WWOX: variants seen among roughly 807,000 people sequenced by gnomAD.
The protein encoded by WWOX is WW domain-containing oxidoreductase.
Under a neutral mutation model 46.2 loss-of-function variants are expected in WWOX, and 69 were observed. The observed-to-expected ratio is 1.49, with a 90% CI of 1.23 to 1.82. The LOEUF is 1.82. Among genes scored for constraint, WWOX ranks in the 40% most tolerant of loss-of-function variants. The pLI is 0.00. For missense variants in WWOX, 919 were observed against 542.6 expected (o/e 1.69, Z -6.89); for synonymous variants, 359 against 202.6 (o/e 1.77, Z -6.56).
At chr16:78,847,304 C>T (rs921783733) in intron 8 of WWOX, among the ~76,000 whole-genome samples, 3 of 152,082 alleles carry the variant, frequency 2.0e-5, no homozygotes, top group Non-Finnish European at 4.4e-5. Flanking sequence ...ACACCTATCT[C>T]CATTTATTCC....
intron 8 of WWOX, among the ~76,000 whole-genome samples, chr16:78,824,213 GT>G (rs1377919220): frequency 2.0e-5 from 3 of 152,094 alleles, no homozygotes; most frequent in Admixed American, 2.0e-4. Flanking sequence ...TTTATAAACA[GT>G]CCACTCCTAC....
intron 8 of WWOX, among the ~76,000 whole-genome samples, chr16:79,006,744 G>A (rs985664112): frequency 5.3e-5 from 8 of 152,046 alleles, no homozygotes; most frequent in South Asian, 2.1e-4. Flanking sequence ...TGCGTCTTCC[G>A]TTTCTTAGAG....
intron 8 of WWOX, among the ~76,000 whole-genome samples, chr16:78,679,298 C>T (rs2047674494): frequency 6.6e-6 from 1 of 152,174 alleles, no homozygotes; most frequent in South Asian, 2.1e-4. Flanking sequence ...CGCCTGTAAT[C>T]CCAGCACTTT....
intron 8 of WWOX, among the ~76,000 whole-genome samples, chr16:79,150,908 C>T (rs1469949782): frequency 6.6e-6 from 1 of 152,186 alleles, no homozygotes; most frequent in Non-Finnish European, 1.5e-5. Flanking sequence ...ACCTGCAGGC[C>T]ATCATTCTGC....
chr16:78,309,644 C>A (rs944331969), intron 5 of WWOX, among the ~76,000 whole-genome samples: 1 of 152,188 alleles, frequency 6.6e-6, no homozygotes, highest in African/African-American at 2.4e-5. Context: ...CTGTCTTAGG[C>A]TTTGTTCACT....
intron 8 of WWOX, among the ~76,000 whole-genome samples, chr16:78,957,462 C>T (rs1051831294): frequency 1.3e-5 from 2 of 152,292 alleles, no homozygotes; most frequent in East Asian, 1.9e-4. Flanking sequence ...TCATTGTAGA[C>T]ATAGGGATGT....
intron 8 of WWOX, among the ~76,000 whole-genome samples, chr16:78,838,349 T>C (rs1406825250): frequency 6.6e-6 from 1 of 152,204 alleles, no homozygotes; most frequent in East Asian, 1.9e-4. Flanking sequence ...GAGGAGGCTT[T>C]AGGCGCTCCT....
chr16:78,713,542 C>T (rs2048492908), intron 8 of WWOX, among the ~76,000 whole-genome samples: 1 of 152,022 alleles, frequency 6.6e-6, no homozygotes, highest in Admixed American at 6.6e-5. Flanking sequence ...AATGAGGTTG[C>T]TTGGATGGTC....
intron 8 of WWOX, among the ~76,000 whole-genome samples, chr16:78,629,024 C>T (rs2046370640): frequency 6.6e-6 from 1 of 152,308 alleles, no homozygotes; most frequent in Non-Finnish European, 1.5e-5. Context: ...GTTCCAAAAA[C>T]TGGATTTTTA....
intron 8 of WWOX, chr16:79,106,696 GC>G (rs1251495630): frequency 6.8e-6 from 1 of 146,010 alleles, no homozygotes; most frequent in Non-Finnish European, 1.5e-5. Flanking sequence ...AAACTCTTGG[GC>G]TCAAGCAACT....
intron 8 of WWOX, chr16:78,826,021 C>A (rs1014406295): frequency 1.9e-6 from 1 of 525,916 alleles, no homozygotes; most frequent in Non-Finnish European, 3.4e-6. Flanking sequence ...CTGTCCTTGG[C>A]AGTTGTATTC....
chr16:78,915,001 A>G (rs1193025005), intron 8 of WWOX, among the ~76,000 whole-genome samples: 1 of 152,064 alleles, frequency 6.6e-6, no homozygotes, highest in Non-Finnish European at 1.5e-5. Context: ...GTGGTAAGAT[A>G]GTGGTTCACA....
intron 6 of WWOX, among the ~76,000 whole-genome samples, chr16:78,398,303 C>G (rs2082334838): frequency 6.6e-6 from 1 of 152,176 alleles, no homozygotes; most frequent in African/African-American, 2.4e-5. Context: ...CTTCCCCAAC[C>G]CAGGCTTCTC....
intron 8 of WWOX, among the ~76,000 whole-genome samples, chr16:79,071,382 G>T (rs563686282): frequency 6.6e-6 from 1 of 152,262 alleles, no homozygotes; most frequent in East Asian, 1.9e-4. Flanking sequence ...CATTTGAGAG[G>T]GTGTGAAATA....
rs77869964 is a variant in WWOX at position 78,671,882 on chromosome 16, G to T, written c.1056+239130G>T. Among the ~76,000 whole-genome samples the T allele has an allele frequency of 3.2e-3, 486 of 152,292 alleles. 3 individuals are homozygous for T. Among genetic ancestry groups the T allele is most frequent in the African/African-American group, 0.011 (460 of 41,564 alleles). On this transcript the variant is annotated intron_variant, in intron 8 of 8. Coordinates refer to ENST00000566780, the MANE Select transcript of WWOX (RefSeq NM_016373.4). The stretch of plus-strand genomic sequence containing the variant: ...ATGGATTTACATCTTAAAAAGTGGT[G>T]AGGTAGACACACAGGCACTACTCAC...
chr16:78,993,231 C>G (rs1017273422), intron 8 of WWOX, among the ~76,000 whole-genome samples: 2 of 148,196 alleles, frequency 1.3e-5, no homozygotes, highest in South Asian at 2.1e-4. Context: ...TGCAGTAAGC[C>G]GAGGATAACG....
chr16:78,413,586 C>T (rs959750419), intron 6 of WWOX, among the ~76,000 whole-genome samples: 5 of 152,052 alleles, frequency 3.3e-5, no homozygotes, highest in African/African-American at 1.2e-4. Flanking sequence ...GGGGGAATGT[C>T]ATCAGTTAAG....
At chr16:78,377,814 TAAATA>T (rs2081865744) in intron 5 of WWOX, among the ~76,000 whole-genome samples, 1 of 152,210 alleles carries the variant, frequency 6.6e-6, no homozygotes, top group African/African-American at 2.4e-5. Flanking sequence ...TATACTAAAT[TAAATA>T]AGCTGTTATC....
chr16:78,666,576 A>G lies in WWOX; in HGVS notation c.1056+233824A>G, dbSNP rs540072849. Among the ~76,000 whole-genome samples the G allele has an allele frequency of 2.6e-5, 4 of 152,346 alleles. No individual in the cohort carries two copies. The East Asian group carries it at 5.8e-4, about 22-fold the overall frequency. On this transcript the variant is annotated intron_variant, in intron 8 of 8. Transcript: ENST00000566780. ...TGATTGGGGTACTGCCTTAAGAAAT[A>G]AAGCAGATTCCTTCAGTCGCATGTG...
Sources: allele counts gnomAD v4.1 joint callset (sites outside exome capture counted in the v4.1 genomes callset), GRCh38; gene constraint gnomAD v4.1.1; transcripts MANE v1.5; gene names NCBI Gene and HGNC (gene_info 2026-07-23, HGNC 2026-07-21).